Variants in BABAM2 observed in about 807,000 individuals in gnomAD.
The protein encoded by BABAM2 is BRISC and BRCA1-A complex member 2.
Under a neutral mutation model 54.7 loss-of-function variants are expected in BABAM2, and 31 were observed. The observed-to-expected ratio is 0.57, with a 90% CI of 0.43 to 0.77. The LOEUF is 0.77. Ranked by LOEUF, BABAM2 falls within the 30% of genes least tolerant of loss-of-function variation. BABAM2 has a pLI of 0.00. For synonymous variants in BABAM2, 167 were observed against 162.9 expected, an observed-to-expected ratio of 1.03 and a Z score of -0.19; for missense variants, 364 against 455.8, an observed-to-expected ratio of 0.80 and a Z score of 1.83.
intron 5 of BABAM2, among the ~76,000 whole-genome samples, chr2:28,036,342 C>T (rs1405763861): frequency 2.0e-5 from 3 of 152,114 alleles, no homozygotes; most frequent in African/African-American, 4.8e-5. Flanking sequence ...CAAGCTGTTT[C>T]CTTCCTCAGA....
chr2:28,008,563 G>T (rs189752722), intron 4 of BABAM2, among the ~76,000 whole-genome samples: 1 of 152,272 alleles, frequency 6.6e-6, no homozygotes, highest in Non-Finnish European at 1.5e-5. Context: ...GCAGGCTGAG[G>T]CGGTCAATTT....
chr2:27,985,104 C>T (rs960793801), intron 3 of BABAM2, among the ~76,000 whole-genome samples: 10 of 115,698 alleles, frequency 8.6e-5, no homozygotes, highest in Non-Finnish European at 1.2e-4. Flanking sequence ...TGTGTAGCTA[C>T]GATTTCTTTA....
chr2:28,136,126 G>T lies in BABAM2; in HGVS notation c.680+6746G>T, dbSNP rs142285009. On this transcript the variant is annotated intron_variant, in intron 7 of 11. Transcript: ENST00000379624. Reference sequence around the variant, plus strand: ...TTTTGTGATTTCCCGAACACATCTTGTATTTTTTTCACTTCCATACCTTGC... The same window carrying T: ...TTTTGTGATTTCCCGAACACATCTTTTATTTTTTTCACTTCCATACCTTGC... Among the ~76,000 whole-genome samples the T allele has an allele frequency of 1.1e-4, 16 of 152,266 alleles. No homozygotes were observed. In the East Asian group the frequency reaches 2.7e-3, roughly 26 times the overall value.
At chr2:28,273,610 T>A (rs1685625233) in intron 10 of BABAM2, among the ~76,000 whole-genome samples, 1 of 152,112 alleles carries the variant, frequency 6.6e-6, no homozygotes, top group South Asian at 2.1e-4. Flanking sequence ...TCCCAGCTTC[T>A]TGGGAGGATG....
rs191367358 is a variant in BABAM2, at chr2:28,183,073, C to G, written c.680+53693C>G. 6.0e-3 allele frequency among the ~76,000 whole-genome samples: 920 copies of G among 152,278 alleles called. 6 individuals carry two copies. The highest frequency in any genetic ancestry group is 9.6e-3 in the Non-Finnish European group (655 of 68,020). On this transcript the variant is annotated intron_variant, in intron 7 of 11. Transcript: ENST00000379624. ...ATTCTTTAGGACCCAAAAGTGAGTG[C>G]TTTGTTTTTTTCTTAAGTATATCAT... is the stretch of plus-strand genomic sequence containing the variant.
chr2:27,889,096 T>C (rs1271076015), upstream of BABAM2, among the ~76,000 whole-genome samples: 1 of 152,266 alleles, frequency 6.6e-6, no homozygotes, highest in Admixed American at 6.5e-5. Context: ...CGTCAGTCAC[T>C]ATAACTGCCT....
At chr2:27,949,423 A>G (rs1669540400) in intron 3 of BABAM2, among the ~76,000 whole-genome samples, 1 of 151,958 alleles carries the variant, frequency 6.6e-6, no homozygotes, top group South Asian at 2.1e-4. Context: ...GATCCCAGGT[A>G]CTTGGGAGGC....
chr2:28,089,007 C>G (rs968987708), intron 6 of BABAM2, among the ~76,000 whole-genome samples: 1 of 151,940 alleles, frequency 6.6e-6, no homozygotes, highest in Non-Finnish European at 1.5e-5. Flanking sequence ...TAGTAACTTA[C>G]CAAAAGATAT....
intron 4 of BABAM2, among the ~76,000 whole-genome samples, chr2:28,003,167 A>T (rs187047345): frequency 3.3e-5 from 5 of 152,242 alleles, no homozygotes; most frequent in Admixed American, 6.5e-5. Flanking sequence ...TAGGGTGAAA[A>T]AAGAAAATGA....
chr2:28,057,365 G>A (rs1466664787), intron 6 of BABAM2, among the ~76,000 whole-genome samples: 3 of 152,128 alleles, frequency 2.0e-5, no homozygotes, highest in Non-Finnish European at 4.4e-5. Context: ...TTTTGGATTT[G>A]CCCTATTTTC....
chr2:28,160,604 A>G (rs904863099), intron 7 of BABAM2, among the ~76,000 whole-genome samples: 31 of 151,654 alleles, frequency 2.0e-4, no homozygotes, highest in African/African-American at 7.0e-4. Flanking sequence ...TAAAAAGTTG[A>G]ACCCATGGGC....
At chr2:27,894,705 A>G in intron 2 of BABAM2, 21 bp downstream of exon 2, 1 of 1,613,818 alleles carries the variant, frequency 6.2e-7, no homozygotes, top group African/African-American at 1.3e-5. Flanking sequence ...GAATGAATTC[A>G]GTCAATGTAC....
At chr2:28,187,048 G>C (rs138319603) in intron 7 of BABAM2, among the ~76,000 whole-genome samples, 99 of 152,258 alleles carry the variant, frequency 6.5e-4, no homozygotes, top group African/African-American at 2.2e-3. Flanking sequence ...CTCGTGATCT[G>C]TCCACCTCGG....
intron 7 of BABAM2, 107 bp downstream of exon 7, chr2:28,129,487 A>G: frequency 9.6e-7 from 1 of 1,040,146 alleles, no homozygotes; most frequent in East Asian, 2.4e-5. Context: ...CTCTTCATTG[A>G]CTTTTGTTTT....
intron 11 of BABAM2, among the ~76,000 whole-genome samples, chr2:28,326,100 C>G (rs1412641030): frequency 6.6e-6 from 1 of 152,208 alleles, no homozygotes; most frequent in Admixed American, 6.5e-5. Flanking sequence ...CTGCTGGGTC[C>G]CTGGGCACTT....
chr2:27,893,665 T>G (rs1328060245), intron 1 of BABAM2, among the ~76,000 whole-genome samples: 2 of 152,166 alleles, frequency 1.3e-5, no homozygotes, highest in Non-Finnish European at 2.9e-5. Context: ...AGCAGGTAGT[T>G]ATACTACACT....
intron 2 of BABAM2, among the ~76,000 whole-genome samples, chr2:27,918,586 G>A (rs1573164757): frequency 6.6e-6 from 1 of 152,220 alleles, no homozygotes; most frequent in Non-Finnish European, 1.5e-5. Context: ...ATCCTATCAA[G>A]TTTTTGTTCT....
chr2:28,329,386 C>T lies in BABAM2; in HGVS notation c.1089-9064C>T, dbSNP rs1690754214. Among the ~76,000 whole-genome samples the T allele has an allele frequency of 6.6e-6, 1 of 152,194 alleles. No homozygotes were observed. The highest frequency in any genetic ancestry group is 1.5e-5 in the Non-Finnish European group (1 of 68,020). On this transcript the variant is annotated intron_variant, in intron 11 of 11. Transcript: ENST00000379624. This position sits in a 1 kb window ranked among gnomAD's most constrained non-coding sequence, Gnocchi z 4.2. ...ACCTTTGCAGCATTACCACCTCCTA[C>T]TGAAACTTGCATTTGTGTGGGGCCC...
chr2:28,216,537 A>G (rs1679933856), intron 7 of BABAM2, among the ~76,000 whole-genome samples: 1 of 152,202 alleles, frequency 6.6e-6, no homozygotes, highest in Non-Finnish European at 1.5e-5. Flanking sequence ...TTCATGCAGT[A>G]TAACAGACCT....
Sources: gnomAD v4.1 joint callset for allele counts (sites outside exome capture counted in the v4.1 genomes callset) on GRCh38, gnomAD v4.1.1 for gene constraint, Gnocchi (gnomAD v3.1) non-coding constraint, MANE v1.5 for transcripts, NCBI Gene and HGNC (gene_info 2026-07-23, HGNC 2026-07-21) for gene names.